Variants in AKAP19 observed in about 807,000 individuals in gnomAD.
AKAP19 encodes small A-kinase anchoring protein.
At chr2:190,112,111 A>G in the AKAP19 span, among the ~76,000 whole-genome samples, 2 of 152,154 alleles carry the variant, frequency 1.3e-5, no homozygotes, top group Non-Finnish European at 2.9e-5. Context: ...GTTAGCCAGG[A>G]TCAACATCAT....
the AKAP19 span, among the ~76,000 whole-genome samples, chr2:190,159,301 C>A: frequency 6.6e-6 from 1 of 152,150 alleles, no homozygotes; most frequent in Non-Finnish European, 1.5e-5. Flanking sequence ...CAAAGTCCCC[C>A]AGGAGGCTCA....
the AKAP19 span, among the ~76,000 whole-genome samples, chr2:189,982,407 T>C: frequency 6.6e-6 from 1 of 152,186 alleles, no homozygotes; most frequent in Non-Finnish European, 1.5e-5. Context: ...GAATCATTTT[T>C]CTGGTTGGTT....
the AKAP19 span, chr2:190,057,711 T>C: frequency 1.3e-6 from 2 of 1,514,930 alleles, no homozygotes; most frequent in Non-Finnish European, 1.8e-6. Context: ...CTTAAGAAGT[T>C]ATTGTTGAAG....
the AKAP19 span, among the ~76,000 whole-genome samples, chr2:190,045,076 A>T: frequency 6.6e-6 from 1 of 152,182 alleles, no homozygotes; most frequent in African/African-American, 2.4e-5. Flanking sequence ...AACAGCAAAC[A>T]TGGTGGCCCT....
the AKAP19 span, among the ~76,000 whole-genome samples, chr2:190,033,643 T>G: frequency 6.6e-6 from 1 of 152,238 alleles, no homozygotes; most frequent in Non-Finnish European, 1.5e-5. Flanking sequence ...ATTGGGCTGA[T>G]TATAACTGAA....
At chr2:190,057,660 A>G in the AKAP19 span, 126 of 1,611,522 alleles carry the variant, frequency 7.8e-5, no homozygotes, top group South Asian at 1.3e-3. Context: ...GGAAAGAACA[A>G]TCAGTAATAT....
chr2:190,103,602 AT>A, the AKAP19 span, among the ~76,000 whole-genome samples: 1 of 152,270 alleles, frequency 6.6e-6, no homozygotes, highest in Non-Finnish European at 1.5e-5. Context: ...CCACAAAAAA[AT>A]AAAATACCTA....
chr2:190,057,366 A>G, the AKAP19 span: 1 of 1,613,674 alleles, frequency 6.2e-7, no homozygotes, highest in Non-Finnish European at 8.5e-7. Context: ...TTGTGGGAGT[A>G]CAGCAAGGGC....
chr2:190,185,914 G>A, the AKAP19 span, among the ~76,000 whole-genome samples: 29 of 152,268 alleles, frequency 1.9e-4, no homozygotes, highest in African/African-American at 6.7e-4. Flanking sequence ...CATGTTCCAC[G>A]TTCCAAGGGA....
chr2:190,115,233 A>T, the AKAP19 span, among the ~76,000 whole-genome samples: 1 of 108,640 alleles, frequency 9.2e-6, no homozygotes, highest in Non-Finnish European at 1.8e-5. Context: ...AGTAGAAAGG[A>T]GAGGGAAGGA....
the AKAP19 span, among the ~76,000 whole-genome samples, chr2:190,125,306 G>A: frequency 7.0e-6 from 1 of 142,444 alleles, no homozygotes; most frequent in Non-Finnish European, 1.6e-5. Context: ...TACACAGTTC[G>A]TTGTTGACTG....
At chr2:189,987,061 T>G in the AKAP19 span, among the ~76,000 whole-genome samples, 1 of 152,210 alleles carries the variant, frequency 6.6e-6, no homozygotes, top group South Asian at 2.1e-4. Flanking sequence ...AGAAGCCTAC[T>G]GATATGGTTT....
chr2:190,159,445 A>G, the AKAP19 span, among the ~76,000 whole-genome samples: 1 of 152,138 alleles, frequency 6.6e-6, no homozygotes, highest in African/African-American at 2.4e-5. Context: ...TTCAGACTCA[A>G]TTTCTGGGGA....
the AKAP19 span, among the ~76,000 whole-genome samples, chr2:190,111,958 C>T: frequency 6.6e-6 from 1 of 152,034 alleles, no homozygotes; most frequent in Non-Finnish European, 1.5e-5. Context: ...AGTGCAGTGG[C>T]ACGATCTCAG....
At chr2:190,200,234 ATAAC>A in the AKAP19 span, 2 of 1,059,580 alleles carry the variant, frequency 1.9e-6, no homozygotes, top group East Asian at 2.4e-5. Flanking sequence ...AAAAGTACAA[ATAAC>A]TATCTGGATT....
the AKAP19 span, chr2:190,137,735 G>C: frequency 4.0e-5 from 1 of 24,850 alleles, no homozygotes; most frequent in Non-Finnish European, 1.2e-4. Flanking sequence ...GTGCTGCCTA[G>C]CAACTGCTTC....
the AKAP19 span, among the ~76,000 whole-genome samples, chr2:189,881,656 C>A: frequency 1.3e-5 from 2 of 151,886 alleles, no homozygotes; most frequent in East Asian, 3.9e-4. Flanking sequence ...TACGAAAGCA[C>A]AGCTTAGTTT....
At chr2:189,952,731 C>A in the AKAP19 span, among the ~76,000 whole-genome samples, 1 of 152,150 alleles carries the variant, frequency 6.6e-6, no homozygotes, top group African/African-American at 2.4e-5. Context: ...TTACATGTGA[C>A]GTATCCTTTT....
chr2:189,942,042 A>C, the AKAP19 span, among the ~76,000 whole-genome samples: 1 of 152,220 alleles, frequency 6.6e-6, no homozygotes, highest in African/African-American at 2.4e-5. Context: ...ACTACAAATC[A>C]AAGACTGTCA....
Sources: allele counts gnomAD v4.1 joint callset (sites outside exome capture counted in the v4.1 genomes callset), GRCh38; gene constraint gnomAD v4.1.1; transcripts MANE v1.5; gene names NCBI Gene and HGNC (gene_info 2026-07-23, HGNC 2026-07-21).